Variants in ARHGAP26 observed in about 807,000 individuals in gnomAD.
ARHGAP26 encodes the protein rho GTPase-activating protein 26.
Under a neutral mutation model 104.8 loss-of-function variants are expected in ARHGAP26, and 38 were observed. That is an observed-to-expected ratio of 0.36 (90% CI 0.28 to 0.48). The LOEUF is 0.48. Ranked by LOEUF, ARHGAP26 falls within the 20% of genes least tolerant of loss-of-function variation. The pLI is 0.99. For synonymous variants in ARHGAP26, 341 were observed against 340.0 expected, an observed-to-expected ratio of 1.00 and a Z score of -0.03; for missense variants, 704 against 947.9, an observed-to-expected ratio of 0.74 and a Z score of 3.38.
intron 11 of ARHGAP26, among the ~76,000 whole-genome samples, chr5:142,941,095 AAAAAAG>A (rs1412494003): frequency 1.3e-5 from 2 of 150,466 alleles, no homozygotes; most frequent in African/African-American, 2.4e-5. Context: ...AAAAAAAAAA[AAAAAAG>A]AATCTATATT....
chr5:143,150,907 T>TA (rs1219804040), intron 20 of ARHGAP26, among the ~76,000 whole-genome samples: 2 of 152,200 alleles, frequency 1.3e-5, no homozygotes, highest in Non-Finnish European at 2.9e-5. Flanking sequence ...ATCTGTGAGA[T>TA]AAAAACTTAA....
At chr5:143,003,624 G>A (rs1777502963) in intron 11 of ARHGAP26, among the ~76,000 whole-genome samples, 1 of 152,170 alleles carries the variant, frequency 6.6e-6, no homozygotes, top group Admixed American at 6.5e-5. Flanking sequence ...TAGACTGTAG[G>A]AGCAGTAAGA....
At chr5:142,818,667 C>T (rs1322167863) in intron 1 of ARHGAP26, among the ~76,000 whole-genome samples, 2 of 152,142 alleles carry the variant, frequency 1.3e-5, no homozygotes, top group African/African-American at 2.4e-5. Context: ...ACATTACCAC[C>T]TTCATGGGGC....
At chr5:143,044,940 T>C (rs1784015653) in intron 14 of ARHGAP26, among the ~76,000 whole-genome samples, 2 of 152,056 alleles carry the variant, frequency 1.3e-5, no homozygotes, top group Non-Finnish European at 2.9e-5. Flanking sequence ...TTAACCAACT[T>C]GATATGGGGG....
At chr5:142,985,925 G>C (rs1283178679) in intron 11 of ARHGAP26, among the ~76,000 whole-genome samples, 1 of 152,002 alleles carries the variant, frequency 6.6e-6, no homozygotes, top group Non-Finnish European at 1.5e-5. Context: ...ATTTGGGTTG[G>C]TTCCAAGTCT....
intron 1 of ARHGAP26, among the ~76,000 whole-genome samples, chr5:142,839,954 G>A (rs1334771212): frequency 2.6e-5 from 4 of 152,008 alleles, no homozygotes; most frequent in East Asian, 3.9e-4. Flanking sequence ...GGAGTTATGC[G>A]TATTATTTTC....
chr5:142,894,480 A>G, intron 6 of ARHGAP26, 132 bp downstream of exon 6: 1 of 794,362 alleles, frequency 1.3e-6, no homozygotes. Flanking sequence ...TTCTGTAAGT[A>G]TCAGTGCTTT....
intron 22 of ARHGAP26, chr5:143,216,037 A>C (rs1346420644): frequency 2.6e-6 from 1 of 381,450 alleles, no homozygotes; most frequent in East Asian, 7.3e-5. Context: ...GAACTGTTTC[A>C]CAAAGAAGTT....
intron 1 of ARHGAP26, among the ~76,000 whole-genome samples, chr5:142,818,924 G>T (rs554449122): frequency 7.2e-5 from 11 of 152,166 alleles, no homozygotes; most frequent in African/African-American, 1.9e-4. Flanking sequence ...CTCTTTTGGG[G>T]TATATCTGGG....
chr5:143,012,554 T>TATATATATATATATATATAC (rs1778973043), intron 11 of ARHGAP26, among the ~76,000 whole-genome samples: 13 of 66,164 alleles, frequency 2.0e-4, no homozygotes, highest in Non-Finnish European at 3.6e-4. Context: ...CATACATACA[T>TATATATATATATATATATAC]ATATATATAT....
chr5:142,911,071 A>G (rs1761762950), intron 9 of ARHGAP26, among the ~76,000 whole-genome samples: 1 of 151,984 alleles, frequency 6.6e-6, no homozygotes, highest in Non-Finnish European at 1.5e-5. Flanking sequence ...TCAGATCTGG[A>G]GTTGTGAGCA....
chr5:143,218,612 C>T (rs752464923), intron 22 of ARHGAP26, among the ~76,000 whole-genome samples: 3 of 152,116 alleles, frequency 2.0e-5, no homozygotes, highest in African/African-American at 4.8e-5. Flanking sequence ...TGGGTAGAGC[C>T]GAGAGAAAGT....
intron 10 of ARHGAP26, chr5:142,919,095 T>TCC (rs1194093274): frequency 2.5e-6 from 1 of 397,274 alleles, no homozygotes; most frequent in African/African-American, 2.1e-5. Flanking sequence ...GAAGTCCTAA[T>TCC]CCCCAGTATC....
At chr5:142,936,425 A>T (rs1765430762) in intron 11 of ARHGAP26, among the ~76,000 whole-genome samples, 1 of 152,228 alleles carries the variant, frequency 6.6e-6, no homozygotes, top group East Asian at 1.9e-4. Flanking sequence ...TGGAAAAATC[A>T]ACATAGTAAA....
chr5:142,902,180 G>C, intron 7 of ARHGAP26, 141 bp downstream of exon 7: 1 of 639,822 alleles, frequency 1.6e-6, no homozygotes, highest in Non-Finnish European at 2.7e-6. Flanking sequence ...GGAAACTAGG[G>C]GCAGGCGTTT....
chr5:143,078,907 A>G (rs1474801545), intron 17 of ARHGAP26, among the ~76,000 whole-genome samples: 1 of 152,250 alleles, frequency 6.6e-6, no homozygotes, highest in Non-Finnish European at 1.5e-5. Context: ...CACTAAACAT[A>G]CATGGCATTT....
chr5:142,831,617 C>T (rs572281866), intron 1 of ARHGAP26, among the ~76,000 whole-genome samples: 2 of 152,148 alleles, frequency 1.3e-5, no homozygotes, highest in East Asian at 3.9e-4. Flanking sequence ...CCTCCCCTCC[C>T]TTCTCCAAAG....
chr5:142,977,542 TC>T (rs1032027503), intron 11 of ARHGAP26, among the ~76,000 whole-genome samples: 2 of 152,104 alleles, frequency 1.3e-5, no homozygotes, highest in African/African-American at 4.8e-5. Flanking sequence ...GGTGTTTTTT[TC>T]CCCCTGCTGG....
chr5:143,190,039 A>G (rs1422055911), intron 20 of ARHGAP26, among the ~76,000 whole-genome samples: 1 of 151,978 alleles, frequency 6.6e-6, no homozygotes, highest in Non-Finnish European at 1.5e-5. Flanking sequence ...GGGGGGGAAA[A>G]AAAAAAAAAG....
Sources: gnomAD v4.1 joint callset for allele counts (sites outside exome capture counted in the v4.1 genomes callset) on GRCh38, gnomAD v4.1.1 for gene constraint, MANE v1.5 for transcripts, NCBI Gene and HGNC (gene_info 2026-07-23, HGNC 2026-07-21) for gene names.